PLEKHG5: variants seen among roughly 807,000 people sequenced by gnomAD.
PLEKHG5 encodes pleckstrin homology domain-containing family G member 5.
In PLEKHG5, 52 loss-of-function variants were observed where a neutral mutation model predicts 103.8. The observed-to-expected ratio is 0.50, with a 90% CI of 0.40 to 0.63. The LOEUF is 0.63. PLEKHG5 is among the 30% of genes least tolerant of loss of function. The probability of loss-of-function intolerance (pLI) is 0.00; values close to 1 mark genes in which losing one functional copy is unlikely to be tolerated. For missense variants in PLEKHG5, 1,205 were observed against 1,347.6 expected (o/e 0.89, Z 1.66); for synonymous variants, 592 against 575.5 (o/e 1.03, Z -0.41).
chr1:6,479,639 G>T (rs1306015449), intron 1 of PLEKHG5, among the ~76,000 whole-genome samples: 2 of 151,368 alleles, frequency 1.3e-5, no homozygotes, highest in African/African-American at 4.9e-5. Flanking sequence ...TCAAGACAGG[G>T]TCTCGCTCTG....
At chr1:6,483,863 G>C (rs904193751) in intron 1 of PLEKHG5, among the ~76,000 whole-genome samples, 1 of 152,210 alleles carries the variant, frequency 6.6e-6, no homozygotes, top group African/African-American at 2.4e-5. Flanking sequence ...CTTCCTGGGA[G>C]CCCCCCGTCT....
upstream of PLEKHG5, among the ~76,000 whole-genome samples, chr1:6,501,598 G>A (rs920462334): frequency 1.3e-5 from 2 of 152,200 alleles, no homozygotes; most frequent in African/African-American, 4.8e-5. The surrounding 1 kb of genome is among the most constrained non-coding windows in gnomAD (Gnocchi z 4.3). Flanking sequence ...ACTCTGTGTA[G>A]AGGAATGATC....
intron 10 of PLEKHG5, 25 bp from the exon 11 acceptor site, chr1:6,471,833 C>G: frequency 6.3e-7 from 1 of 1,592,172 alleles, no homozygotes; most frequent in Non-Finnish European, 8.6e-7. Context: ...GATGGTGTGA[C>G]TGGGGTCGGG....
chr1:6,474,750 C>A (rs893028347), intron 5 of PLEKHG5, 163 bp from the exon 6 acceptor site: 3 of 741,222 alleles, frequency 4.0e-6, no homozygotes, highest in Non-Finnish European at 6.9e-6. Context: ...TCCACAGACA[C>A]CTGCCCGCAG....
At position 6,469,409 on chromosome 1, in the gene PLEKHG5, C is replaced by G; in HGVS notation, c.1975G>C (p.Val659Leu). The change falls in exon 18 of 21, where the codon GTA (valine) becomes CTA (leucine). Residue 659 changes from valine to leucine, a missense_variant. Physicochemically the swap from Val to Leu is conservative, Grantham distance 32. Transcript: ENST00000377728. ...LIYLNEFHSAVGAYTFQASGQ... is the reference protein window; with the variant it reads ...LIYLNEFHSALGAYTFQASGQ... ...CTGGCCTGGAACGTGTAGGCCCCTA[C>G]AGCACTGTGAAACTCATTCAGGTAG... is the stretch of plus-strand genomic sequence containing the variant. 2 of 1,614,162 alleles carry G rather than the reference C, an allele frequency of 1.2e-6. No homozygotes were observed. The highest frequency in any genetic ancestry group is 2.2e-5 in the South Asian group (2 of 91,068).
At chr1:6,498,464 G>A (rs1289631859), upstream of PLEKHG5, among the ~76,000 whole-genome samples, 1 of 152,206 alleles carries the variant, frequency 6.6e-6, no homozygotes. Flanking sequence ...GAGCTCTCTG[G>A]ATTCATTCAG....
At chr1:6,477,463 C>G in intron 2 of PLEKHG5, 66 bp downstream of exon 2, 2 of 1,550,894 alleles carry the variant, frequency 1.3e-6, no homozygotes, top group East Asian at 2.3e-5. Flanking sequence ...AGCACGTTTC[C>G]GACAGTTACT....
rs1430345318 is a variant in PLEKHG5 at position 6,476,035 on chromosome 1, G to T, written c.45C>A (p.Gly15=). The part of the protein sequence containing the change: ...GHVRFDLPPQ[G]SVLARNVSTR... Reference sequence around the variant, plus strand: ...TGGACACGTTCCGGGCCAGCACAGAGCCTTGGGAGAAAGCAGGAGAGGGTT... The same window carrying T: ...TGGACACGTTCCGGGCCAGCACAGATCCTTGGGAGAAAGCAGGAGAGGGTT... Residue 15 remains glycine, a splice_region_variant and synonymous_variant, in exon 3 of 21, where the codon GGC becomes GGA. Transcript: ENST00000377728. The T allele has an allele frequency of 1.2e-6, 2 of 1,612,634 alleles. No homozygotes were observed. Among genetic ancestry groups the T allele is most frequent in the Admixed American group, 3.3e-5 (2 of 60,020 alleles).
rs1354115337 is a variant in PLEKHG5, at chr1:6,470,729, G to A, written c.1542+6C>T. The stretch of plus-strand genomic sequence containing the variant: ...GGGGACGGCTCCCGCTGGCCATCAG[G>A]GTTACCATGGCGACGACGGCCTCCT... On this transcript the variant is annotated splice_donor_region_variant and intron_variant, in intron 14 of 20. Transcript: ENST00000377728. 6.4e-7 allele frequency: 1 copy of A among 1,555,578 alleles called. No individual in the cohort carries two copies. The highest frequency in any genetic ancestry group is 8.7e-7 in the Non-Finnish European group (1 of 1,152,196).
At chr1:6,510,726 C>T (rs1638448947) in intron 1 of PLEKHG5, among the ~76,000 whole-genome samples, 1 of 152,210 alleles carries the variant, frequency 6.6e-6, no homozygotes, top group Non-Finnish European at 1.5e-5. Flanking sequence ...GCAGTGGGCC[C>T]AGTGTCAGCA....
upstream of PLEKHG5, chr1:6,497,322 A>G (rs1569979570): frequency 1.7e-6 from 2 of 1,153,392 alleles, no homozygotes; most frequent in South Asian, 1.5e-5. This position sits in a 1 kb window ranked among gnomAD's most constrained non-coding sequence, Gnocchi z 6.1. Context: ...GCACTCACCC[A>G]TGGAGCAGGC....
At chr1:6,501,505 C>T (rs964266238), upstream of PLEKHG5, among the ~76,000 whole-genome samples, 2 of 152,196 alleles carry the variant, frequency 1.3e-5, no homozygotes, top group Admixed American at 1.3e-4. This position sits in a 1 kb window ranked among gnomAD's most constrained non-coding sequence, Gnocchi z 4.3. Context: ...GCTTCAGGAA[C>T]GACACACAAT....
At chr1:6,508,237 G>T (rs1379936393) in intron 1 of PLEKHG5, among the ~76,000 whole-genome samples, 13 of 152,156 alleles carry the variant, frequency 8.5e-5, no homozygotes, top group Non-Finnish European at 1.5e-4. Flanking sequence ...CCCTCCTGAG[G>T]GGCTGCAGCC....
intron 1 of PLEKHG5, among the ~76,000 whole-genome samples, chr1:6,517,110 C>A (rs1306033777): frequency 3.6e-5 from 5 of 138,994 alleles, no homozygotes; most frequent in Admixed American, 2.1e-4. Flanking sequence ...AAAGGCCAGG[C>A]GCGGTAGCTC....
intron 1 of PLEKHG5, among the ~76,000 whole-genome samples, chr1:6,484,487 G>GC (rs1644976402): frequency 6.6e-6 from 1 of 152,188 alleles, no homozygotes; most frequent in Non-Finnish European, 1.5e-5. Flanking sequence ...AGTTCTGGAA[G>GC]CCCCCCGGGA....
upstream of PLEKHG5, among the ~76,000 whole-genome samples, chr1:6,501,692 G>C (rs1020419351): frequency 6.6e-6 from 1 of 152,158 alleles, no homozygotes. This position sits in a 1 kb window ranked among gnomAD's most constrained non-coding sequence, Gnocchi z 4.3. Context: ...TGAGAGTAAC[G>C]AGGCTGTGAG....
At chr1:6,500,581 T>C (rs151061034), upstream of PLEKHG5, among the ~76,000 whole-genome samples, 4 of 130,456 alleles carry the variant, frequency 3.1e-5, no homozygotes, top group Non-Finnish European at 6.4e-5. Context: ...CCTGGAATCT[T>C]GAACTCCCCC....
intron 1 of PLEKHG5, among the ~76,000 whole-genome samples, chr1:6,508,428 G>C (rs1325633875): frequency 6.6e-6 from 1 of 152,296 alleles, no homozygotes; most frequent in East Asian, 1.9e-4. Flanking sequence ...TACAAGGCTA[G>C]AGGGTCCCCC....
upstream of PLEKHG5, chr1:6,497,372 G>A (rs1443076575): frequency 2.8e-6 from 3 of 1,085,580 alleles, no homozygotes; most frequent in Non-Finnish European, 3.4e-6. The surrounding 1 kb of genome is among the most constrained non-coding windows in gnomAD (Gnocchi z 6.1). Context: ...CGGGGGCGCC[G>A]GGGACGCCGG....
Sources: allele counts gnomAD v4.1 joint callset (sites outside exome capture counted in the v4.1 genomes callset), GRCh38; gene constraint gnomAD v4.1.1; non-coding constraint Gnocchi (gnomAD v3.1); transcripts MANE v1.5; gene names NCBI Gene and HGNC (gene_info 2026-07-23, HGNC 2026-07-21).